The following ASTN2 variants were observed in gnomAD, a reference collection of about 807,000 sequenced individuals.
ASTN2 encodes the protein astrotactin 2.
ASTN2 carries 54 observed loss-of-function variants against 139.8 expected under a neutral mutation model. The observed-to-expected ratio is 0.39, with a 90% CI of 0.31 to 0.48. ASTN2 has a LOEUF of 0.48. Ranked by LOEUF, ASTN2 falls within the 20% of genes least tolerant of loss-of-function variation. The pLI, the probability that ASTN2 is intolerant of heterozygous loss-of-function variation, is 0.95. For missense variants in ASTN2, 1,565 were observed against 1,725.1 expected, an observed-to-expected ratio of 0.91 and a Z score of 1.64; for synonymous variants, 756 against 719.5, an observed-to-expected ratio of 1.05 and a Z score of -0.81.
At chr9:117,199,034 T>C (rs1413247467) in intron 3 of ASTN2, among the ~76,000 whole-genome samples, 3 of 152,170 alleles carry the variant, frequency 2.0e-5, no homozygotes, top group African/African-American at 7.2e-5. Context: ...GATATTATAC[T>C]TTTGTCAGAT....
At chr9:117,217,076 G>T (rs1000324812) in intron 2 of ASTN2, among the ~76,000 whole-genome samples, 1 of 152,102 alleles carries the variant, frequency 6.6e-6, no homozygotes, top group South Asian at 2.1e-4. Context: ...CCATTTCACA[G>T]CCCTTGGTTA....
At chr9:116,900,513 A>G (rs1289352915) in intron 10 of ASTN2, among the ~76,000 whole-genome samples, 2 of 152,232 alleles carry the variant, frequency 1.3e-5, no homozygotes, top group Non-Finnish European at 2.9e-5. Context: ...TGAGAGCTAT[A>G]TTCCTAGGCT....
At chr9:116,857,694 T>C (rs1328402762) in intron 11 of ASTN2, among the ~76,000 whole-genome samples, 6 of 152,190 alleles carry the variant, frequency 3.9e-5, no homozygotes, top group Non-Finnish European at 8.8e-5. Flanking sequence ...GTTTGTATAA[T>C]GGGAGAGGGT....
intron 6 of ASTN2, among the ~76,000 whole-genome samples, chr9:117,011,999 G>C (rs1837550763): frequency 6.6e-6 from 1 of 152,098 alleles, no homozygotes; most frequent in Non-Finnish European, 1.5e-5. Flanking sequence ...CATAGACCGT[G>C]ATTTCCTACA....
chr9:116,478,713 G>C (rs942497029), intron 20 of ASTN2, among the ~76,000 whole-genome samples: 1 of 152,160 alleles, frequency 6.6e-6, no homozygotes, highest in Non-Finnish European at 1.5e-5. Flanking sequence ...CACAGCCTCA[G>C]GCTGGGCGCA....
At chr9:116,429,603 C>G (rs1269478624) in intron 22 of ASTN2, among the ~76,000 whole-genome samples, 3 of 152,178 alleles carry the variant, frequency 2.0e-5, no homozygotes, top group African/African-American at 7.2e-5. Flanking sequence ...AAAGTATCAT[C>G]ACCATTATCA....
chr9:117,331,631 A>C lies in ASTN2; in HGVS notation c.443-40118T>G, dbSNP rs189002199. On this transcript the variant is annotated intron_variant, in intron 1 of 22. Transcript: ENST00000313400. The stretch of plus-strand genomic sequence containing the variant: ...AATAAATGGGTGGTGTGCACCAAGC[A>C]CATGGCCTATGGTGGGTGCTCTTGG... 1.0e-3 allele frequency among the ~76,000 whole-genome samples: 159 copies of C among 152,322 alleles called. 2 individuals are homozygous for C. The highest frequency in any genetic ancestry group is 6.8e-3 in the Middle Eastern group (2 of 294).
chr9:117,163,061 C>G (rs1830589052), intron 3 of ASTN2, among the ~76,000 whole-genome samples: 1 of 150,832 alleles, frequency 6.6e-6, no homozygotes, highest in Non-Finnish European at 1.5e-5. Flanking sequence ...TCCTGCTCCT[C>G]ATACCTTTCT....
chr9:117,389,239 T>C (rs578162591), intron 1 of ASTN2, among the ~76,000 whole-genome samples: 3 of 152,176 alleles, frequency 2.0e-5, no homozygotes, highest in Non-Finnish European at 2.9e-5. Context: ...TTTTCTTCTT[T>C]AAGCCTATTG....
At chr9:116,722,714 G>A (rs908964108) in intron 16 of ASTN2, among the ~76,000 whole-genome samples, 4 of 152,276 alleles carry the variant, frequency 2.6e-5, no homozygotes, top group Admixed American at 2.6e-4. Flanking sequence ...ACTGTAGAGG[G>A]CTGTACAAAT....
chr9:116,695,600 C>A (rs894563373), intron 16 of ASTN2, among the ~76,000 whole-genome samples: 1 of 152,172 alleles, frequency 6.6e-6, no homozygotes, highest in East Asian at 1.9e-4. Flanking sequence ...ACTTGCCCTC[C>A]ACTTCCTCCT....
At chr9:117,394,817 C>G (rs570489131) in intron 1 of ASTN2, among the ~76,000 whole-genome samples, 1 of 152,076 alleles carries the variant, frequency 6.6e-6, no homozygotes, top group East Asian at 1.9e-4. Flanking sequence ...GAGGACTCAG[C>G]TGCTAGGGAA....
rs1045397470 is a variant in ASTN2 at position 116,423,123 on chromosome 9, A to C, written c.*2728T>G. 2.6e-5 allele frequency among the ~76,000 whole-genome samples: 4 copies of C among 152,134 alleles called. No individual in the cohort carries two copies. Among genetic ancestry groups the C allele is most frequent in the African/African-American group, 9.7e-5 (4 of 41,430 alleles). ...ATAGCTGACAGAGCTGAAAATCATTAATTCTTTCTTTTAATCAGAATTCTC... is the reference window on the plus strand; with the variant it reads ...ATAGCTGACAGAGCTGAAAATCATTCATTCTTTCTTTTAATCAGAATTCTC... On this transcript the variant is annotated 3_prime_UTR_variant, in exon 23 of 23. Transcript: ENST00000313400.
At position 116,651,756 on chromosome 9, in the gene ASTN2, G is replaced by A. The variant is rs1009229806; in HGVS notation, c.2844C>T (p.Ser948=). Residue 948 remains serine (S), a synonymous_variant, in exon 17 of 23, where the codon TCC becomes TCT. Coordinates refer to ENST00000313400, the MANE Select transcript of ASTN2 (RefSeq NM_001365068.1). ...CTGAGAGGTAGGTGATGAAGGGCAT[G>A]GACTTGAGCTCCTTCTTGCTGCCCA... is the stretch of plus-strand genomic sequence containing the variant. ...TELGSKKELK[S]MPFITYLSGL... 2 of 1,614,118 alleles carry A rather than the reference G, an allele frequency of 1.2e-6. No homozygotes were observed. The highest frequency in any genetic ancestry group is 1.3e-5 in the African/African-American group (1 of 75,042).
At chr9:117,098,727 T>G (rs1587961102) in intron 4 of ASTN2, among the ~76,000 whole-genome samples, 1 of 148,764 alleles carries the variant, frequency 6.7e-6, no homozygotes. Flanking sequence ...AGAGCAGAGG[T>G]CCCCAGAAGC....
intron 10 of ASTN2, among the ~76,000 whole-genome samples, chr9:116,963,146 T>C (rs1349240013): frequency 6.6e-6 from 1 of 152,178 alleles, no homozygotes; most frequent in African/African-American, 2.4e-5. Context: ...AAAAATATTT[T>C]TGCAGCATGA....
chr9:116,425,189 A>G lies in ASTN2; in HGVS notation c.*662T>C. The G allele has an allele frequency of 4.0e-6, 1 of 253,036 alleles. No individual in the cohort carries two copies. The highest frequency in any genetic ancestry group is 7.5e-6 in the Non-Finnish European group (1 of 133,338). 15.7% of individuals were successfully genotyped at this position (253,036 alleles called of 1,614,324 possible). A position where few individuals can be genotyped will look rare whatever the true frequency, so the allele number is the denominator to read the frequency against. ...TAAGTGAATAAACAGAGGTCTCTCA[A>G]GCACATTCCCTTGGTAAGAAATACC... On this transcript the variant is annotated 3_prime_UTR_variant, in exon 23 of 23. Transcript: ENST00000313400.
At chr9:117,358,549 A>G (rs916759789) in intron 1 of ASTN2, among the ~76,000 whole-genome samples, 1 of 152,086 alleles carries the variant, frequency 6.6e-6, no homozygotes, top group Non-Finnish European at 1.5e-5. Context: ...TTGTCTTTAC[A>G]TCACCCTGGG....
At chr9:117,086,334 G>A (rs1026247101) in intron 5 of ASTN2, among the ~76,000 whole-genome samples, 2 of 152,150 alleles carry the variant, frequency 1.3e-5, no homozygotes, top group Non-Finnish European at 2.9e-5. Context: ...CAGCACTTTG[G>A]GAAGCCGAGG....
Sources: gnomAD v4.1 joint callset for allele counts (sites outside exome capture counted in the v4.1 genomes callset) on GRCh38, gnomAD v4.1.1 for gene constraint, MANE v1.5 for transcripts, NCBI Gene and HGNC (gene_info 2026-07-23, HGNC 2026-07-21) for gene names.